SFSWAP: variants seen among roughly 807,000 people sequenced by gnomAD.
SFSWAP encodes the protein splicing factor, suppressor of white-apricot homolog.
In SFSWAP, 17 loss-of-function variants were observed where a neutral mutation model predicts 100.7. The observed-to-expected ratio is 0.17, with a 90% CI of 0.12 to 0.25. The LOEUF (loss-of-function observed/expected upper bound fraction) is 0.25, where lower values mean the gene tolerates loss of function less well. SFSWAP is among the 10% of genes least tolerant of loss of function. The probability of loss-of-function intolerance (pLI) is 1.00; values close to 1 mark genes in which losing one functional copy is unlikely to be tolerated. For synonymous variants in SFSWAP, 504 were observed against 510.1 expected, an observed-to-expected ratio of 0.99 and a Z score of 0.16; for missense variants, 1,005 against 1,262.6, an observed-to-expected ratio of 0.80 and a Z score of 3.09.
Position 131,739,536 on chromosome 12 carries a change from C to CTTTTTTTT in SFSWAP, c.1081+11129_1081+11136dup, listed in dbSNP as rs777610140. ...TTTGCATTCTATTATTCCCCAGTTG[C>CTTTTTTTT]TTTTTTTTTTTTTTTTTTTTTTTTT... On this transcript the variant is annotated intron_variant, in intron 7 of 17. Transcript: ENST00000261674. Among the ~76,000 whole-genome samples the CTTTTTTTT allele has an allele frequency of 3.8e-4, 23 of 60,884 alleles. 3 individuals are homozygous for CTTTTTTTT. The highest frequency in any genetic ancestry group is 6.2e-4 in the Non-Finnish European group (19 of 30,542). 39.9% of individuals were successfully genotyped at this position (60,884 alleles called of 152,430 possible).
At chr12:131,748,826 T>C (rs995904607) in intron 7 of SFSWAP, among the ~76,000 whole-genome samples, 1 of 152,256 alleles carries the variant, frequency 6.6e-6, no homozygotes, top group African/African-American at 2.4e-5. Context: ...TAGGTACCTA[T>C]TGGAATTTCT....
chr12:131,714,534 C>A lies in SFSWAP; in HGVS notation c.389-288C>A. 2.1e-6 allele frequency: 1 copy of A among 482,926 alleles called. No individual in the cohort carries two copies. Among genetic ancestry groups the A allele is most frequent in the Non-Finnish European group, 3.7e-6 (1 of 271,416 alleles). 29.9% of individuals were successfully genotyped at this position (482,926 alleles called of 1,614,324 possible). A position where few individuals can be genotyped will look rare whatever the true frequency, so the allele number is the denominator to read the frequency against. ...GTATCGTATAAATAAAATTGATGTT[C>A]TTGTCTTTGCCGTAACAGTCTTTAA... On this transcript the variant is annotated intron_variant, in intron 2 of 17. Coordinates refer to ENST00000261674, the MANE Select transcript of SFSWAP (RefSeq NM_004592.4). This position sits in a 1 kb window ranked among gnomAD's most constrained non-coding sequence, Gnocchi z 6.0.
rs1425559784 is a variant in SFSWAP at position 131,719,557 on chromosome 12, G to A, written c.606+18G>A. 1 of 1,570,244 alleles carries A rather than the reference G, an allele frequency of 6.4e-7. No individual in the cohort carries two copies. The highest frequency in any genetic ancestry group is 1.7e-5 in the Admixed American group (1 of 59,860). ...TGGAGTTGGTATGTGTCCTGCATGA[G>A]CACTAGTTGTCGTCATTATTATTTA... is the stretch of plus-strand genomic sequence containing the variant. On this transcript the variant is annotated intron_variant, in intron 4 of 17. Coordinates refer to ENST00000261674, the MANE Select transcript of SFSWAP (RefSeq NM_004592.4).
intron 4 of SFSWAP, among the ~76,000 whole-genome samples, chr12:131,721,677 T>C (rs1878490749): frequency 6.6e-6 from 1 of 152,252 alleles, no homozygotes; most frequent in Non-Finnish European, 1.5e-5. Flanking sequence ...AAATATTTAA[T>C]GGCTTTGTGT....
At chr12:131,753,002 T>C in intron 7 of SFSWAP, 121 bp from the exon 8 acceptor site, 1 of 1,421,612 alleles carries the variant, frequency 7.0e-7, no homozygotes, top group East Asian at 2.3e-5. Context: ...AACAGCATGG[T>C]TGGAAGTGAG....
At chr12:131,796,164 G>A (rs1051255993) in intron 15 of SFSWAP, 2 of 152,394 alleles carry the variant, frequency 1.3e-5, no homozygotes, top group African/African-American at 4.8e-5. Context: ...TGCAGCGTCT[G>A]TTACAGACGA....
chr12:131,768,005 G>A (rs1353939469), intron 13 of SFSWAP, among the ~76,000 whole-genome samples: 1 of 152,262 alleles, frequency 6.6e-6, no homozygotes, highest in East Asian at 1.9e-4. Context: ...GAAAGAATGG[G>A]AAGATGCCCC....
intron 15 of SFSWAP, among the ~76,000 whole-genome samples, chr12:131,795,376 G>T (rs961428538): frequency 3.3e-5 from 5 of 152,214 alleles, no homozygotes; most frequent in Admixed American, 6.5e-5. Flanking sequence ...ACACAAGGGA[G>T]CCCGGACAGA....
At chr12:131,786,011 C>T (rs746395751) in intron 14 of SFSWAP, 1 of 154,376 alleles carries the variant, frequency 6.5e-6, no homozygotes, top group Non-Finnish European at 1.4e-5. Flanking sequence ...CCTTTTCTTA[C>T]CTCATGTTGG....
At chr12:131,742,621 C>T (rs968510839) in intron 7 of SFSWAP, among the ~76,000 whole-genome samples, 8 of 148,052 alleles carry the variant, frequency 5.4e-5, no homozygotes, top group Admixed American at 3.4e-4. Flanking sequence ...CAAGTCTTCT[C>T]TTGTTGGGGG....
intron 4 of SFSWAP, among the ~76,000 whole-genome samples, chr12:131,724,026 TA>T (rs1878727782): frequency 6.6e-6 from 1 of 152,214 alleles, no homozygotes; most frequent in South Asian, 2.1e-4. Context: ...GTCTGCCTAA[TA>T]AAGTAAAGAA....
intron 14 of SFSWAP, among the ~76,000 whole-genome samples, chr12:131,779,556 C>T (rs778264889): frequency 1.3e-5 from 2 of 152,184 alleles, no homozygotes; most frequent in Non-Finnish European, 2.9e-5. Flanking sequence ...CCCGTTACAC[C>T]TTGGGTTCGC....
intron 15 of SFSWAP, among the ~76,000 whole-genome samples, chr12:131,793,082 A>G (rs1271253011): frequency 6.6e-6 from 1 of 152,072 alleles, no homozygotes; most frequent in African/African-American, 2.4e-5. Flanking sequence ...GGAAAAAGAG[A>G]AAGGAAAGTC....
At chr12:131,793,298 G>A (rs920465730) in intron 15 of SFSWAP, among the ~76,000 whole-genome samples, 1 of 152,036 alleles carries the variant, frequency 6.6e-6, no homozygotes, top group Non-Finnish European at 1.5e-5. Flanking sequence ...TGCCCAGGCT[G>A]ATGTTGAACT....
At chr12:131,792,472 G>T (rs1885330664) in intron 15 of SFSWAP, among the ~76,000 whole-genome samples, 1 of 144,924 alleles carries the variant, frequency 6.9e-6, no homozygotes, top group Non-Finnish European at 1.5e-5. Context: ...AGTACTGTGT[G>T]TGCACCCGTG....
intron 15 of SFSWAP, 115 bp downstream of exon 15, chr12:131,786,703 G>A (rs1224682344): frequency 8.6e-6 from 10 of 1,162,774 alleles, no homozygotes; most frequent in Non-Finnish European, 1.2e-5. Context: ...AGAGGGAGGT[G>A]CTGAGTCCCC....
chr12:131,777,511 T>C (rs1884122431), intron 13 of SFSWAP, among the ~76,000 whole-genome samples: 1 of 152,240 alleles, frequency 6.6e-6, no homozygotes. Flanking sequence ...CCATGGTGTA[T>C]ATGTGCCGCA....
At chr12:131,793,202 TC>T (rs981869593) in intron 15 of SFSWAP, among the ~76,000 whole-genome samples, 1 of 151,802 alleles carries the variant, frequency 6.6e-6, no homozygotes, top group African/African-American at 2.4e-5. Flanking sequence ...CAAGGAATCC[TC>T]CCACCTCAGC....
chr12:131,727,510 G>A (rs867992017), intron 6 of SFSWAP, among the ~76,000 whole-genome samples: 98 of 152,146 alleles, frequency 6.4e-4, no homozygotes, highest in Non-Finnish European at 3.8e-4. Context: ...GCCAGGCGTG[G>A]TGGGTACACC....
Sources: gnomAD v4.1 joint callset for allele counts (sites outside exome capture counted in the v4.1 genomes callset) on GRCh38, gnomAD v4.1.1 for gene constraint, Gnocchi (gnomAD v3.1) non-coding constraint, MANE v1.5 for transcripts, NCBI Gene and HGNC (gene_info 2026-07-23, HGNC 2026-07-21) for gene names.